Variants in PPFIBP1 observed in about 807,000 individuals in gnomAD.
PPFIBP1 encodes the protein PPFIB scaffold protein 1.
A neutral mutation model predicts 137.8 loss-of-function variants in PPFIBP1; 112 were observed. The observed-to-expected ratio is 0.81, with a 90% CI of 0.70 to 0.95. The LOEUF (loss-of-function observed/expected upper bound fraction) is 0.95. PPFIBP1 is among the 40% of genes least tolerant of loss of function. The pLI is 0.00. For synonymous variants in PPFIBP1, 378 were observed against 417.3 expected, an observed-to-expected ratio of 0.91 and a Z score of 1.15; for missense variants, 1,083 against 1,196.6, an observed-to-expected ratio of 0.91 and a Z score of 1.40.
chr12:27,571,515 T>A (rs953240565), intron 1 of PPFIBP1, among the ~76,000 whole-genome samples: 1 of 152,096 alleles, frequency 6.6e-6, no homozygotes, highest in Non-Finnish European at 1.5e-5. Flanking sequence ...GAGAACATGG[T>A]TGTAATCTGA....
At chr12:27,569,951 C>G (rs1198435675) in intron 1 of PPFIBP1, among the ~76,000 whole-genome samples, 3 of 152,114 alleles carry the variant, frequency 2.0e-5, no homozygotes. Flanking sequence ...AATTTTATTG[C>G]TTTGACTTCC....
At chr12:27,671,578 G>C in intron 14 of PPFIBP1, 32 bp downstream of exon 14, 1 of 1,332,816 alleles carries the variant, frequency 7.5e-7, no homozygotes. Context: ...CAATATAAAT[G>C]TTCAAAAAAG....
chr12:27,648,688 G>A (rs1180540855), intron 6 of PPFIBP1, among the ~76,000 whole-genome samples: 1 of 152,170 alleles, frequency 6.6e-6, no homozygotes, highest in Non-Finnish European at 1.5e-5. Context: ...ATGAGATTCA[G>A]TCATTTGCAA....
chr12:27,641,066 A>G (rs944688295), intron 4 of PPFIBP1, among the ~76,000 whole-genome samples: 3 of 152,250 alleles, frequency 2.0e-5, no homozygotes, highest in African/African-American at 7.2e-5. Flanking sequence ...AGTTTTAAAA[A>G]TAAGTATAAT....
chr12:27,570,870 A>G lies in PPFIBP1; in HGVS notation c.-123-7282A>G, dbSNP rs527565480. ...AGAGCTTGCAGTTAGCCGAGATGGC[A>G]CCACTGCACTCTAGCCTGGGCGACA... On this transcript the variant is annotated intron_variant, in intron 1 of 29. Transcript: ENST00000228425. 1.4e-3 allele frequency among the ~76,000 whole-genome samples: 220 copies of G among 152,222 alleles called. 1 individual carries two copies. Among genetic ancestry groups the G allele is most frequent in the African/African-American group, 5.0e-3 (206 of 41,538 alleles).
intron 2 of PPFIBP1, among the ~76,000 whole-genome samples, chr12:27,628,185 T>A (rs1463479305): frequency 6.6e-6 from 1 of 152,048 alleles, no homozygotes; most frequent in East Asian, 1.9e-4. Flanking sequence ...TTCTTTAGGA[T>A]TTTTTTTCTT....
At chr12:27,633,017 A>G (rs1329490280) in intron 2 of PPFIBP1, among the ~76,000 whole-genome samples, 3 of 152,222 alleles carry the variant, frequency 2.0e-5, no homozygotes, top group Non-Finnish European at 4.4e-5. Flanking sequence ...AAAGGGAGAA[A>G]GGAGTCTTGT....
At chr12:27,665,558 G>A (rs1464321943) in intron 12 of PPFIBP1, among the ~76,000 whole-genome samples, 1 of 152,156 alleles carries the variant, frequency 6.6e-6, no homozygotes, top group African/African-American at 2.4e-5. Context: ...AGAGAGTTGT[G>A]CATTTTGTTG....
intron 2 of PPFIBP1, among the ~76,000 whole-genome samples, chr12:27,612,659 T>C (rs551211359): frequency 6.6e-6 from 1 of 152,136 alleles, no homozygotes; most frequent in South Asian, 2.1e-4. Context: ...CCACCTGTAC[T>C]TCAAAACTCA....
At chr12:27,643,069 G>A (rs927453599) in intron 4 of PPFIBP1, among the ~76,000 whole-genome samples, 46 of 151,638 alleles carry the variant, frequency 3.0e-4, no homozygotes, top group African/African-American at 1.0e-3. Context: ...TGGTTAGAGC[G>A]TGGTGCTGAC....
At chr12:27,598,933 A>G (rs1484454322) in intron 2 of PPFIBP1, among the ~76,000 whole-genome samples, 1 of 152,236 alleles carries the variant, frequency 6.6e-6, no homozygotes, top group Non-Finnish European at 1.5e-5. Flanking sequence ...GATCAACTGT[A>G]ATAAAGCTTC....
intron 1 of PPFIBP1, among the ~76,000 whole-genome samples, chr12:27,524,683 C>G (rs766058494): frequency 1.7e-4 from 26 of 151,960 alleles, no homozygotes; most frequent in Non-Finnish European, 2.9e-4. Flanking sequence ...GTGTGTGTCT[C>G]TCTGTCTGTG....
At chr12:27,557,543 A>T (rs1366445149) in intron 1 of PPFIBP1, among the ~76,000 whole-genome samples, 1 of 152,154 alleles carries the variant, frequency 6.6e-6, no homozygotes, top group Non-Finnish European at 1.5e-5. Context: ...ACATCATGGT[A>T]ACAATATTGA....
chr12:27,633,291 A>T, intron 2 of PPFIBP1, 71 bp from the exon 3 acceptor site: 1 of 995,674 alleles, frequency 1.0e-6, no homozygotes, highest in South Asian at 1.4e-5. Flanking sequence ...TATCATTTGA[A>T]GGTGAATTAG....
chr12:27,693,047 A>C lies in PPFIBP1; in HGVS notation c.*165A>C, dbSNP rs2061647015. On this transcript the variant is annotated 3_prime_UTR_variant, in exon 30 of 30. Coordinates refer to ENST00000228425, the MANE Select transcript of PPFIBP1 (RefSeq NM_003622.4). The stretch of plus-strand genomic sequence containing the variant: ...AGCAGGAGTAATGTGCCGATTCTGA[A>C]GTTGCCACAAAAAATAAGACACTGG... 1 of 1,131,684 alleles carries C rather than the reference A, an allele frequency of 8.8e-7. No homozygotes were observed. The highest frequency in any genetic ancestry group is 1.2e-6 in the Non-Finnish European group (1 of 843,424). 70.1% of individuals were successfully genotyped at this position (1,131,684 alleles called of 1,614,324 possible).
chr12:27,681,941 T>C (rs2060899320), intron 22 of PPFIBP1, among the ~76,000 whole-genome samples: 1 of 152,016 alleles, frequency 6.6e-6, no homozygotes, highest in Non-Finnish European at 1.5e-5. Context: ...TACATAAGCA[T>C]AATTCAGTTC....
chr12:27,602,702 G>A (rs959184329), intron 2 of PPFIBP1, among the ~76,000 whole-genome samples: 1 of 152,182 alleles, frequency 6.6e-6, no homozygotes, highest in African/African-American at 2.4e-5. Flanking sequence ...GGTTGACTTG[G>A]TTTTCTGTTT....
chr12:27,588,472 A>C (rs2052060900), intron 2 of PPFIBP1, among the ~76,000 whole-genome samples: 2 of 152,212 alleles, frequency 1.3e-5, no homozygotes, highest in South Asian at 4.1e-4. Context: ...CTTGGCCCAA[A>C]AGACGCATGA....
intron 4 of PPFIBP1, among the ~76,000 whole-genome samples, chr12:27,643,111 G>A (rs1412208311): frequency 6.7e-6 from 1 of 149,652 alleles, no homozygotes; most frequent in Non-Finnish European, 1.5e-5. Flanking sequence ...TAAACATAGT[G>A]GGAAGAGAGA....
Sources: gnomAD v4.1 joint callset for allele counts (sites outside exome capture counted in the v4.1 genomes callset) on GRCh38, gnomAD v4.1.1 for gene constraint, MANE v1.5 for transcripts, NCBI Gene and HGNC (gene_info 2026-07-23, HGNC 2026-07-21) for gene names.